SLCO6A1: variants seen among roughly 807,000 people sequenced by gnomAD.
SLCO6A1 encodes cancer/testis antigen 48.
SLCO6A1 carries 65 observed loss-of-function variants against 72.7 expected under a neutral mutation model. That is an observed-to-expected ratio of 0.89 (90% CI 0.73 to 1.10). SLCO6A1 has a LOEUF of 1.10. Among genes scored for constraint, SLCO6A1 ranks in the 50% least tolerant of loss-of-function variants. The probability of loss-of-function intolerance (pLI) is 0.00; values close to 1 mark genes in which losing one functional copy is unlikely to be tolerated. For missense variants in SLCO6A1, 874 were observed against 872.6 expected (o/e 1.00, Z -0.02); for synonymous variants, 314 against 298.2 (o/e 1.05, Z -0.55).
intron 1 of SLCO6A1, among the ~76,000 whole-genome samples, chr5:102,487,805 T>G (rs1752507358): frequency 3.3e-5 from 5 of 152,214 alleles, no homozygotes; most frequent in Admixed American, 2.6e-4. Flanking sequence ...TAACACTACA[T>G]GTGGACAAGG....
chr5:102,374,440 A>G (rs1234595745), intron 12 of SLCO6A1, among the ~76,000 whole-genome samples: 1 of 152,122 alleles, frequency 6.6e-6, no homozygotes, highest in Non-Finnish European at 1.5e-5. Flanking sequence ...AGCTGGGACT[A>G]CAGGTGGTGA....
Position 102,410,264 on chromosome 5 carries a change from A to G in SLCO6A1, c.1626+2726T>C, listed in dbSNP as rs527694640. 1.2e-3 allele frequency among the ~76,000 whole-genome samples: 190 copies of G among 152,150 alleles called. 1 individual carries two copies. Among genetic ancestry groups the G allele is most frequent in the Non-Finnish European group, 2.3e-3 (155 of 67,976 alleles). On this transcript the variant is annotated intron_variant, in intron 9 of 13. Transcript: ENST00000506729. ...CTCCTCTCTGCAACTGGTCATCCCC[A>G]TGTCTGCAGCTCTAAGCAGAGAGGG...
At chr5:102,474,031 T>C in intron 4 of SLCO6A1, among the ~76,000 whole-genome samples, 1 of 151,926 alleles carries the variant, frequency 6.6e-6, no homozygotes, top group Non-Finnish European at 1.5e-5. Context: ...AATACAGATT[T>C]AATGCAATCC....
chr5:102,431,012 A>G (rs1193592813), intron 7 of SLCO6A1, among the ~76,000 whole-genome samples: 2 of 151,856 alleles, frequency 1.3e-5, no homozygotes, highest in African/African-American at 4.8e-5. Context: ...TTCTTCCTAG[A>G]TCAGTCTTGA....
chr5:102,440,852 T>C (rs369063191), intron 6 of SLCO6A1, among the ~76,000 whole-genome samples: 1 of 152,250 alleles, frequency 6.6e-6, no homozygotes, highest in Admixed American at 6.5e-5. Flanking sequence ...TATAAAGTAG[T>C]ACCACAATGC....
At chr5:102,401,177 G>A (rs1747377536) in intron 9 of SLCO6A1, among the ~76,000 whole-genome samples, 1 of 151,910 alleles carries the variant, frequency 6.6e-6, no homozygotes, top group Non-Finnish European at 1.5e-5. Flanking sequence ...CTAAAAGAAT[G>A]TTTCAAGTAA....
chr5:102,386,198 T>C (rs1237210256), intron 12 of SLCO6A1, among the ~76,000 whole-genome samples: 1 of 151,976 alleles, frequency 6.6e-6, no homozygotes, highest in Non-Finnish European at 1.5e-5. Flanking sequence ...AAAGCCTGGA[T>C]CCACTGTGAT....
chr5:102,409,528 C>T (rs1747858337), intron 9 of SLCO6A1, among the ~76,000 whole-genome samples: 2 of 151,912 alleles, frequency 1.3e-5, no homozygotes, highest in African/African-American at 4.8e-5. Context: ...GAAATTGATG[C>T]TTATTCTATC....
At chr5:102,414,008 A>C (rs1049707489) in intron 8 of SLCO6A1, among the ~76,000 whole-genome samples, 1 of 152,044 alleles carries the variant, frequency 6.6e-6, no homozygotes, top group South Asian at 2.1e-4. Flanking sequence ...ATTTTCCAAT[A>C]GTTTTTCACA....
chr5:102,447,697 T>C (rs1750191440), intron 6 of SLCO6A1, among the ~76,000 whole-genome samples: 1 of 152,210 alleles, frequency 6.6e-6, no homozygotes, highest in Non-Finnish European at 1.5e-5. Context: ...GTTTTTTGTA[T>C]AACTGTGAGG....
In SLCO6A1 at chr5:102,399,691, C is replaced by G. The variant is rs760583691; in HGVS notation, c.1678G>C (p.Glu560Gln). ...GGTCTGGCATCAATAAAATCACCTT[C>G]TGCATCTGCAGTTATTAATCCTTCT... is the stretch of plus-strand genomic sequence containing the variant. ...IKEGLITADA[E>Q]GDFIDARPGK... The change falls in exon 10 of 14, where the codon GAA becomes CAA. Residue 560 changes from glutamate to glutamine, a missense_variant. Transcript: ENST00000506729. 6.2e-7 allele frequency: 1 copy of G among 1,600,408 alleles called. No individual in the cohort carries two copies.
At chr5:102,408,926 G>A (rs1747818296) in intron 9 of SLCO6A1, among the ~76,000 whole-genome samples, 1 of 152,050 alleles carries the variant, frequency 6.6e-6, no homozygotes, top group Admixed American at 6.6e-5. Flanking sequence ...CTTTGGATGT[G>A]ATTTACTTTC....
chr5:102,399,561 A>C lies in SLCO6A1; in HGVS notation c.1808T>G (p.Met603Arg). ...ATGAGTAATATATACATACCGCGTC[A>C]TGGCCAAGACGATTGGTACACCAGA... ...GFSGVPIVLAMTRVVPDKLRS... is the reference protein window; with the variant it reads ...GFSGVPIVLARTRVVPDKLRS... The change falls in exon 10 of 14, where the codon ATG (methionine) becomes AGG (arginine). Residue 603 changes from methionine (M) to arginine (R), a missense_variant. By Grantham distance (91) the Met-to-Arg change is moderately conservative (BLOSUM62 -1). Transcript: ENST00000506729. The C allele has an allele frequency of 6.5e-7, 1 of 1,540,444 alleles. No individual in the cohort carries two copies. The highest frequency in any genetic ancestry group is 8.8e-7 in the Non-Finnish European group (1 of 1,140,622).
At chr5:102,472,326 A>T (rs564998441) in intron 4 of SLCO6A1, among the ~76,000 whole-genome samples, 2 of 152,220 alleles carry the variant, frequency 1.3e-5, no homozygotes, top group Admixed American at 1.3e-4. Flanking sequence ...TGCCAGGGGA[A>T]CTAGCAGGAT....
At chr5:102,498,432 C>T in intron 1 of SLCO6A1, 55 bp downstream of exon 1, 6 of 1,529,374 alleles carry the variant, frequency 3.9e-6, no homozygotes, top group South Asian at 1.2e-5. Flanking sequence ...CTCCCGCCTC[C>T]GCCAGTGCGG....
intron 7 of SLCO6A1, among the ~76,000 whole-genome samples, chr5:102,431,400 A>G (rs1749210414): frequency 6.6e-6 from 1 of 152,140 alleles, no homozygotes; most frequent in Non-Finnish European, 1.5e-5. Context: ...GTGGTGCTAT[A>G]CATTTCCCTC....
rs1750648437 is a variant in SLCO6A1, at chr5:102,371,976, T to C, written c.*163A>G. The C allele has an allele frequency of 6.6e-6, 1 of 151,992 alleles. No individual in the cohort carries two copies. The highest frequency in any genetic ancestry group is 6.6e-5 in the Admixed American group (1 of 15,240). 9.4% of individuals were successfully genotyped at this position (151,992 alleles called of 1,614,324 possible). On this transcript the variant is annotated 3_prime_UTR_variant, in exon 14 of 14. Coordinates refer to ENST00000506729, the MANE Select transcript of SLCO6A1 (RefSeq NM_173488.5). The stretch of plus-strand genomic sequence containing the variant: ...ACAATAGGACACTTTATTATGAAAA[T>C]GCAGATCACCATAAATATATTTTTG...
intron 10 of SLCO6A1, among the ~76,000 whole-genome samples, chr5:102,393,500 A>G (rs926753034): frequency 5.3e-5 from 8 of 152,128 alleles, no homozygotes; most frequent in African/African-American, 1.9e-4. Flanking sequence ...GTTCAAATGT[A>G]ATTTCTTCAG....
intron 6 of SLCO6A1, 133 bp from the exon 7 acceptor site, chr5:102,438,894 TAGA>T: frequency 4.1e-6 from 2 of 492,338 alleles, no homozygotes; most frequent in Non-Finnish European, 6.9e-6. Flanking sequence ...AATTGATAGA[TAGA>T]TGATAGATAG....
Sources: gnomAD v4.1 joint callset for allele counts (sites outside exome capture counted in the v4.1 genomes callset) on GRCh38, gnomAD v4.1.1 for gene constraint, MANE v1.5 for transcripts, NCBI Gene and HGNC (gene_info 2026-07-23, HGNC 2026-07-21) for gene names.